The following CFAP69 variants were observed in gnomAD, a reference collection of about 807,000 sequenced individuals.
CFAP69 encodes cilia and flagella associated protein 69, also known as cilia- and flagella-associated protein 69.
In CFAP69, 92 loss-of-function variants were observed where a neutral mutation model predicts 123.0. That is an observed-to-expected ratio of 0.75 (90% CI 0.63 to 0.89). CFAP69 has a LOEUF of 0.89. Ranked by LOEUF, CFAP69 falls within the 40% of genes least tolerant of loss-of-function variation. The probability of loss-of-function intolerance (pLI) is 0.00; values close to 1 mark genes in which losing one functional copy is unlikely to be tolerated. For missense variants in CFAP69, 1,067 were observed against 1,096.9 expected, an observed-to-expected ratio of 0.97 and a Z score of 0.39; for synonymous variants, 380 against 364.3, an observed-to-expected ratio of 1.04 and a Z score of -0.49.
downstream of CFAP69, among the ~76,000 whole-genome samples, chr7:90,314,666 T>C (rs556466938): frequency 2.2e-4 from 33 of 150,292 alleles, no homozygotes; most frequent in East Asian, 6.0e-3. Context: ...CTCTGTACCA[T>C]CCTTGCAACT....
At chr7:90,274,261 C>A in intron 9 of CFAP69, 151 bp downstream of exon 9, 1 of 916,306 alleles carries the variant, frequency 1.1e-6, no homozygotes, top group Non-Finnish European at 1.6e-6. Flanking sequence ...GCTTATCACT[C>A]TGCCAATTCT....
intron 12 of CFAP69, among the ~76,000 whole-genome samples, chr7:90,282,496 A>G (rs1789640137): frequency 6.6e-6 from 1 of 152,214 alleles, no homozygotes. Flanking sequence ...ATATAAGAGG[A>G]CATGAACCAG....
intron 9 of CFAP69, among the ~76,000 whole-genome samples, chr7:90,276,741 G>A (rs1055495379): frequency 1.3e-5 from 2 of 152,204 alleles, no homozygotes; most frequent in East Asian, 3.9e-4. Flanking sequence ...TATAGGTAAC[G>A]AATTATAGAA....
At chr7:90,264,498 A>G (rs138966622) in intron 4 of CFAP69, among the ~76,000 whole-genome samples, 161 of 152,164 alleles carry the variant, frequency 1.1e-3, no homozygotes, top group African/African-American at 3.7e-3. Flanking sequence ...TGAATAAACT[A>G]TCGATTTTGC....
chr7:90,310,255 T>C lies in CFAP69; in HGVS notation c.*17T>C. On this transcript the variant is annotated 3_prime_UTR_variant, in exon 23 of 23. Transcript: ENST00000389297. ...CCTACGTAATATACTATAGAGACTTTTTGAAATAAAGTCAGCTTATAATTT... is the reference window on the plus strand; with the variant it reads ...CCTACGTAATATACTATAGAGACTTCTTGAAATAAAGTCAGCTTATAATTT... The C allele has an allele frequency of 6.4e-7, 1 of 1,566,522 alleles. No homozygotes were observed. The highest frequency in any genetic ancestry group is 8.7e-7 in the Non-Finnish European group (1 of 1,153,526).
downstream of CFAP69, among the ~76,000 whole-genome samples, chr7:90,312,207 G>A (rs1270498119): frequency 6.6e-6 from 1 of 152,154 alleles, no homozygotes; most frequent in Non-Finnish European, 1.5e-5. Context: ...TGAGCTCAAA[G>A]GGAAGATTCA....
At chr7:90,269,565 AAG>A (rs1484534191) in intron 6 of CFAP69, among the ~76,000 whole-genome samples, 1 of 152,154 alleles carries the variant, frequency 6.6e-6, no homozygotes, top group Non-Finnish European at 1.5e-5. Flanking sequence ...TCTGTAATGG[AAG>A]AGTTAAAAGG....
intron 1 of CFAP69, among the ~76,000 whole-genome samples, chr7:90,251,101 ATAATTAAATTCTTC>A (rs2116563113): frequency 6.6e-6 from 1 of 152,282 alleles, no homozygotes; most frequent in African/African-American, 2.4e-5. Context: ...TGATCTTTTC[ATAATTAAATTCTTC>A]TGGTTAAATC....
chr7:90,279,024 T>A (rs1468551551), intron 11 of CFAP69, among the ~76,000 whole-genome samples: 1 of 152,186 alleles, frequency 6.6e-6, no homozygotes, highest in Non-Finnish European at 1.5e-5. Context: ...CAGAATCAGC[T>A]GTATTAATTC....
chr7:90,245,624 C>T, intron 1 of CFAP69, 80 bp downstream of exon 1: 1 of 1,409,482 alleles, frequency 7.1e-7, no homozygotes, highest in Non-Finnish European at 9.3e-7. Flanking sequence ...CTGGGGGTGG[C>T]AAGGGTGGAA....
At chr7:90,302,375 C>T (rs993169625) in intron 17 of CFAP69, 1 of 152,120 alleles carries the variant, frequency 6.6e-6, no homozygotes, top group Non-Finnish European at 1.5e-5. Context: ...CTTTTGACAT[C>T]TTTGTCATGA....
intron 5 of CFAP69, among the ~76,000 whole-genome samples, chr7:90,268,069 A>C (rs1432507730): frequency 2.6e-5 from 4 of 152,204 alleles, no homozygotes; most frequent in African/African-American, 9.6e-5. Context: ...GAATTGATTG[A>C]GGGGCCAAAT....
rs749606448 is a variant in CFAP69 at position 90,310,051 on chromosome 7, ACCTTTTG to A, written c.2656-10_2656-4del. 1 of 1,595,754 alleles carries A rather than the reference ACCTTTTG, an allele frequency of 6.3e-7. No individual in the cohort carries two copies. On this transcript the variant is annotated splice_polypyrimidine_tract_variant and intron_variant, in intron 22 of 22. Coordinates refer to ENST00000389297, the MANE Select transcript of CFAP69 (RefSeq NM_001039706.3). ...TGTGTAAATGGACTTTTAGATATTT[ACCTTTTG>A]CCTTTTTAGGTGCCCTCTGGTGGAG...
chr7:90,300,969 T>A (rs937571627), intron 17 of CFAP69: 1 of 151,602 alleles, frequency 6.6e-6, no homozygotes, highest in Non-Finnish European at 1.5e-5. Context: ...TACATTTTCT[T>A]TTTTTCTTTT....
rs531151856 is a variant in CFAP69, at chr7:90,274,197, T to C, written c.984+87T>C. 1.0e-4 allele frequency: 146 copies of C among 1,461,520 alleles called. No homozygotes were observed. The African/African-American group carries it at 2.0e-3, about 20-fold the overall frequency. The allele number at this position is 1,461,520 out of a possible 1,614,324, so 90.5% of individuals were successfully genotyped here. A position where few individuals can be genotyped will look rare whatever the true frequency, so the allele number is the denominator to read the frequency against. On this transcript the variant is annotated intron_variant, in intron 9 of 22. Coordinates refer to ENST00000389297, the MANE Select transcript of CFAP69 (RefSeq NM_001039706.3). ...GTCCTATATTATGTTGGAATATTTG[T>C]GTATTTTCTTGTAATGCTAAGTTAT...
At chr7:90,314,826 C>T (rs1019814399), downstream of CFAP69, among the ~76,000 whole-genome samples, 3 of 151,814 alleles carry the variant, frequency 2.0e-5, no homozygotes, top group African/African-American at 7.3e-5. Flanking sequence ...CCCACTAACT[C>T]ATCATCTAGC....
intron 14 of CFAP69, among the ~76,000 whole-genome samples, chr7:90,287,103 A>G (rs981172893): frequency 1.3e-5 from 2 of 149,768 alleles, no homozygotes; most frequent in East Asian, 2.0e-4. Context: ...AAAAAAAAAA[A>G]AGATAGAAAT....
chr7:90,249,023 C>T (rs1562830787), intron 1 of CFAP69, among the ~76,000 whole-genome samples: 1 of 152,178 alleles, frequency 6.6e-6, no homozygotes, highest in Non-Finnish European at 1.5e-5. Flanking sequence ...CTAGTCATAA[C>T]AGCTTTATTA....
At chr7:90,272,137 C>A in intron 8 of CFAP69, 179 bp downstream of exon 8, 1 of 503,610 alleles carries the variant, frequency 2.0e-6, no homozygotes, top group Non-Finnish European at 3.3e-6. Context: ...ACAAGCCACA[C>A]TTTTCTATGT....
Sources: allele counts gnomAD v4.1 joint callset (sites outside exome capture counted in the v4.1 genomes callset), GRCh38; gene constraint gnomAD v4.1.1; transcripts MANE v1.5; gene names NCBI Gene and HGNC (gene_info 2026-07-23, HGNC 2026-07-21).